Variants in LRRC37A observed in about 807,000 individuals in gnomAD.
LRRC37A encodes leucine rich repeat containing 37A.
A neutral mutation model predicts 35.4 loss-of-function variants in LRRC37A; 3 were observed. That is an observed-to-expected ratio of 0.08 (90% CI 0.04 to 0.22). The LOEUF (loss-of-function observed/expected upper bound fraction) is 0.22. Among genes scored for constraint, LRRC37A ranks in the 10% least tolerant of loss-of-function variants. The pLI is 1.00. For missense variants in LRRC37A, 67 were observed against 565.3 expected (o/e 0.12, Z 8.94); for synonymous variants, 23 against 215.0 (o/e 0.11, Z 7.81).
chr17:46,268,378 A>G, the LRRC37A span: 1 of 785,616 alleles, frequency 1.3e-6, no homozygotes, highest in Non-Finnish European at 1.7e-6. Flanking sequence ...TGTAGACTAA[A>G]TATCAGTTTC....
At chr17:46,250,871 C>T in the LRRC37A span, among the ~76,000 whole-genome samples, 1 of 152,088 alleles carries the variant, frequency 6.6e-6, no homozygotes, top group Non-Finnish European at 1.5e-5. Context: ...TCCCCTTTCT[C>T]CTCTTCCTCT....
At chr17:46,261,850 AC>A in the LRRC37A span, among the ~76,000 whole-genome samples, 1 of 152,242 alleles carries the variant, frequency 6.6e-6, no homozygotes, top group East Asian at 1.9e-4. Flanking sequence ...ATTCTCCATA[AC>A]TTTTTAAATG....
At chr17:46,255,044 C>T in the LRRC37A span, among the ~76,000 whole-genome samples, 1 of 152,298 alleles carries the variant, frequency 6.6e-6, no homozygotes, top group Admixed American at 6.5e-5. Flanking sequence ...CCATGTTGGC[C>T]AGGCTGGTCT....
chr17:46,263,550 C>CAA, the LRRC37A span, among the ~76,000 whole-genome samples: 146 of 63,120 alleles, frequency 2.3e-3, 1 homozygote, highest in Non-Finnish European at 2.6e-3. Flanking sequence ...GACTCTGTCT[C>CAA]AAAAAAAAAA....
chr17:46,250,956 C>T, the LRRC37A span, among the ~76,000 whole-genome samples: 7 of 152,060 alleles, frequency 4.6e-5, no homozygotes, highest in Non-Finnish European at 1.0e-4. Context: ...AAGGTTCTCC[C>T]TCTGTTGCCA....
At chr17:46,269,038 C>T in the LRRC37A span, among the ~76,000 whole-genome samples, 2 of 152,212 alleles carry the variant, frequency 1.3e-5, no homozygotes, top group African/African-American at 2.4e-5. Flanking sequence ...AAAACATTTT[C>T]CTGAATTTAA....
intron 3 of LRRC37A, 80 bp from the exon 4 acceptor site, chr17:46,305,429 A>C (rs1371463481): frequency 2.6e-6 from 1 of 385,038 alleles, no homozygotes; most frequent in African/African-American, 2.0e-5. Context: ...ATAGGTATTC[A>C]GTATTATTCT....
At chr17:46,269,321 G>GA in the LRRC37A span, among the ~76,000 whole-genome samples, 1 of 152,184 alleles carries the variant, frequency 6.6e-6, no homozygotes, top group Non-Finnish European at 1.5e-5. Context: ...ATCACCTGAG[G>GA]TCCGGAGTTC....
upstream of LRRC37A, among the ~76,000 whole-genome samples, chr17:46,290,236 C>A (rs1182906504): frequency 6.6e-6 from 1 of 152,190 alleles, no homozygotes; most frequent in Non-Finnish European, 1.5e-5. Context: ...GTCAAGCAGT[C>A]CCCTGGCCTC....
chr17:46,291,969 C>CAAAAAAAAAAAAAAAAAA (rs59554870), upstream of LRRC37A, among the ~76,000 whole-genome samples: 1 of 58,090 alleles, frequency 1.7e-5, no homozygotes, highest in African/African-American at 7.2e-5. Flanking sequence ...TCTCAAAAAG[C>CAAAAAAAAAAAAAAAAAA]AAAAAAAAAA....
upstream of LRRC37A, among the ~76,000 whole-genome samples, chr17:46,289,142 G>A (rs1412349772): frequency 2.6e-5 from 4 of 152,084 alleles, no homozygotes; most frequent in African/African-American, 7.2e-5. Context: ...TGGCATCCAC[G>A]AACAAATTTG....
chr17:46,290,768 A>G (rs2050045349), upstream of LRRC37A, among the ~76,000 whole-genome samples: 1 of 152,260 alleles, frequency 6.6e-6, no homozygotes, highest in South Asian at 2.1e-4. Flanking sequence ...AGTTTTATAG[A>G]TTCTAAAGCA....
chr17:46,255,321 C>T, the LRRC37A span, among the ~76,000 whole-genome samples: 18,618 of 148,958 alleles, frequency 0.12, 5 homozygotes, highest in Middle Eastern at 0.19. Context: ...GGATGGAAGG[C>T]GGCTACTATT....
the LRRC37A span, among the ~76,000 whole-genome samples, chr17:46,269,881 C>T: frequency 6.6e-6 from 1 of 152,166 alleles, no homozygotes; most frequent in African/African-American, 2.4e-5. Context: ...TGAGAAAAAG[C>T]CTTTCTCAAA....
chr17:46,290,606 C>A (rs2050040261), upstream of LRRC37A, among the ~76,000 whole-genome samples: 1 of 152,120 alleles, frequency 6.6e-6, no homozygotes, highest in African/African-American at 2.4e-5. Flanking sequence ...GCCACCATGC[C>A]TGGCTAATTT....
chr17:46,288,582 G>A (rs977416095), upstream of LRRC37A, among the ~76,000 whole-genome samples: 11 of 151,936 alleles, frequency 7.2e-5, no homozygotes, highest in African/African-American at 2.4e-4. Flanking sequence ...ACAGGTGTGA[G>A]CCACAGGGCC....
At chr17:46,256,079 A>G in the LRRC37A span, among the ~76,000 whole-genome samples, 1 of 151,506 alleles carries the variant, frequency 6.6e-6, no homozygotes, top group South Asian at 2.1e-4. Context: ...TGATGGGATG[A>G]GTGTCTTAAA....
the LRRC37A span, among the ~76,000 whole-genome samples, chr17:46,250,739 AC>A: frequency 6.6e-6 from 1 of 152,180 alleles, no homozygotes; most frequent in Admixed American, 6.5e-5. Context: ...CCTCTAGAGA[AC>A]CCTGACTAAT....
chr17:46,252,392 T>A, the LRRC37A span, among the ~76,000 whole-genome samples: 8 of 143,174 alleles, frequency 5.6e-5, 2 homozygotes, highest in Non-Finnish European at 1.1e-4. Flanking sequence ...TTTTTTTTTT[T>A]AATTGATCAT....
Sources: allele counts gnomAD v4.1 joint callset (sites outside exome capture counted in the v4.1 genomes callset), GRCh38; gene constraint gnomAD v4.1.1; transcripts MANE v1.5; gene names NCBI Gene and HGNC (gene_info 2026-07-23, HGNC 2026-07-21).